ST7: variants seen among roughly 807,000 people sequenced by gnomAD.
ST7 encodes the protein suppressor of tumorigenicity 7 protein.
ST7 carries 28 observed loss-of-function variants against 78.7 expected under a neutral mutation model. That is an observed-to-expected ratio of 0.36 (90% CI 0.26 to 0.49). The LOEUF is 0.49. Ranked by LOEUF, ST7 falls within the 20% of genes least tolerant of loss-of-function variation. The probability of loss-of-function intolerance (pLI) is 0.99; values close to 1 mark genes in which losing one functional copy is unlikely to be tolerated. For missense variants in ST7, 418 were observed against 696.0 expected (o/e 0.60, Z 4.49); for synonymous variants, 247 against 249.6 (o/e 0.99, Z 0.10).
At chr7:116,956,889 G>A (rs1212405287) in intron 1 of ST7, 6 of 341,056 alleles carry the variant, frequency 1.8e-5, no homozygotes, top group Non-Finnish European at 3.4e-5. Context: ...GCAAGGCTGT[G>A]AGAGCTTCTC....
At chr7:116,979,888 A>G (rs547143917) in intron 1 of ST7, among the ~76,000 whole-genome samples, 16 of 150,448 alleles carry the variant, frequency 1.1e-4, no homozygotes, top group African/African-American at 3.7e-4. Context: ...CATTCAAAGT[A>G]TGCTTTACTA....
rs370879756 is a variant in ST7 at position 117,190,860 on chromosome 7, G to A, written c.1178G>A (p.Arg393Gln). ...TTCTCTCCTGAGGCTGCATCTCGGCGGGGGCTGAGCACAGCAGAGATGAAT... is the reference window on the plus strand; with the variant it reads ...TTCTCTCCTGAGGCTGCATCTCGGCAGGGGCTGAGCACAGCAGAGATGAAT... ...DKFSPEAASRRGLSTAEMNAV... is the reference protein window; with the variant it reads ...DKFSPEAASRQGLSTAEMNAV... The change falls in exon 12 of 16, where the codon CGG (arginine) becomes CAG (glutamine). Residue 393 changes from arginine to glutamine, a missense_variant. Physicochemically the swap from Arg to Gln is conservative, Grantham distance 43. Coordinates refer to ENST00000323984, the MANE Select transcript of ST7 (RefSeq NM_001369598.1). The surrounding 1 kb of genome is among the most constrained non-coding windows in gnomAD (Gnocchi z 5.2). 4 of 1,613,976 alleles carry A rather than the reference G, an allele frequency of 2.5e-6. No homozygotes were observed. Among genetic ancestry groups the A allele is most frequent in the East Asian group, 2.2e-5 (1 of 44,880 alleles).
At chr7:117,022,322 T>C (rs1230397595) in intron 1 of ST7, among the ~76,000 whole-genome samples, 1 of 152,220 alleles carries the variant, frequency 6.6e-6, no homozygotes, top group African/African-American at 2.4e-5. Flanking sequence ...TGCTTATAGG[T>C]AGATTCGTAC....
chr7:116,978,491 A>C (rs567873999), intron 1 of ST7, among the ~76,000 whole-genome samples: 2 of 152,216 alleles, frequency 1.3e-5, no homozygotes, highest in South Asian at 4.1e-4. Flanking sequence ...TTCAATATAC[A>C]TTATGGAGAT....
chr7:117,076,050 C>G, intron 1 of ST7, among the ~76,000 whole-genome samples: 1 of 152,150 alleles, frequency 6.6e-6, no homozygotes, highest in East Asian at 1.9e-4. Flanking sequence ...TGTTACATTG[C>G]TTACCTGCTA....
chr7:117,029,946 T>G (rs1310751151), intron 1 of ST7, among the ~76,000 whole-genome samples: 1 of 152,178 alleles, frequency 6.6e-6, no homozygotes, highest in Non-Finnish European at 1.5e-5. Context: ...TATAGCTTTA[T>G]GATCAGGTAG....
At position 117,056,213 on chromosome 7, in the gene ST7, G is replaced by A. The variant is rs1044987205; in HGVS notation, c.152-43549G>A. On this transcript the variant is annotated intron_variant, in intron 1 of 15. Coordinates refer to ENST00000323984, the MANE Select transcript of ST7 (RefSeq NM_001369598.1). The stretch of plus-strand genomic sequence containing the variant: ...ACTTTGCATCCTTCAATCCAACCAA[G>A]TTGACACTCAGCATTAACAATCACA... Among the ~76,000 whole-genome samples, 7 of 152,304 alleles carry A rather than the reference G, an allele frequency of 4.6e-5. 1 individual carries two copies. Among genetic ancestry groups the A allele is most frequent in the Admixed American group, 3.9e-4 (6 of 15,302 alleles).
intron 1 of ST7, among the ~76,000 whole-genome samples, chr7:117,050,597 G>A (rs540502598): frequency 6.2e-4 from 94 of 152,118 alleles, no homozygotes; most frequent in Non-Finnish European, 1.1e-3. Context: ...ATAGACTACC[G>A]TCTCTATATA....
At chr7:116,972,676 T>G in intron 1 of ST7, 4 of 1,053,156 alleles carry the variant, frequency 3.8e-6, no homozygotes, top group Non-Finnish European at 5.9e-6. Flanking sequence ...TTTTTCCGCT[T>G]CTTCCAGCTT....
chr7:117,227,947 A>G (rs972760178), intron 15 of ST7, among the ~76,000 whole-genome samples: 3 of 152,194 alleles, frequency 2.0e-5, no homozygotes, highest in African/African-American at 7.2e-5. Flanking sequence ...TGCAGATCCA[A>G]CCTGACACGC....
chr7:116,984,424 C>T (rs1388961667), intron 1 of ST7, among the ~76,000 whole-genome samples: 1 of 152,148 alleles, frequency 6.6e-6, no homozygotes, highest in African/African-American at 2.4e-5. Flanking sequence ...ATCTGTTATA[C>T]AATAGCGCAT....
At chr7:116,988,937 A>G (rs1794303072) in intron 1 of ST7, among the ~76,000 whole-genome samples, 1 of 152,206 alleles carries the variant, frequency 6.6e-6, no homozygotes, top group African/African-American at 2.4e-5. Flanking sequence ...GGCTCCCTAG[A>G]GGACACAAAA....
At chr7:116,985,947 C>T (rs1430589239) in intron 1 of ST7, among the ~76,000 whole-genome samples, 8 of 152,170 alleles carry the variant, frequency 5.3e-5, no homozygotes, top group Non-Finnish European at 1.2e-4. Flanking sequence ...ACTCTTATGT[C>T]GCAGCCTCGC....
intron 1 of ST7, among the ~76,000 whole-genome samples, chr7:117,055,836 A>T (rs1798035638): frequency 6.6e-6 from 1 of 152,214 alleles, no homozygotes; most frequent in Admixed American, 6.5e-5. Context: ...AACTAATAGG[A>T]TAGATATACA....
At chr7:116,970,748 C>G (rs1167852643) in intron 1 of ST7, among the ~76,000 whole-genome samples, 1 of 152,096 alleles carries the variant, frequency 6.6e-6, no homozygotes. Context: ...GGTTGTGAGT[C>G]AGAGTTCTAT....
At chr7:117,104,239 G>A (rs994812485) in intron 2 of ST7, among the ~76,000 whole-genome samples, 6 of 152,144 alleles carry the variant, frequency 3.9e-5, no homozygotes, top group Admixed American at 6.5e-5. Context: ...CCAGGAGTTC[G>A]AGACCAGCCT....
intron 9 of ST7, among the ~76,000 whole-genome samples, chr7:117,139,483 A>G (rs1010986738): frequency 2.2e-4 from 34 of 152,288 alleles, no homozygotes; most frequent in African/African-American, 6.7e-4. Flanking sequence ...CTCTGGAAAG[A>G]CAGTTATTCT....
chr7:117,050,548 T>C (rs1375865893), intron 1 of ST7, among the ~76,000 whole-genome samples: 1 of 152,266 alleles, frequency 6.6e-6, no homozygotes, highest in Non-Finnish European at 1.5e-5. Context: ...TAACTTTTTA[T>C]AATTTGTGTA....
At chr7:117,192,395 A>G (rs2117408179) in intron 12 of ST7, among the ~76,000 whole-genome samples, 1 of 152,306 alleles carries the variant, frequency 6.6e-6, no homozygotes, top group South Asian at 2.1e-4. Flanking sequence ...GCCATTGGAC[A>G]TTGGGCTTAG....
Sources: gnomAD v4.1 joint callset for allele counts (sites outside exome capture counted in the v4.1 genomes callset) on GRCh38, gnomAD v4.1.1 for gene constraint, Gnocchi (gnomAD v3.1) non-coding constraint, MANE v1.5 for transcripts, NCBI Gene and HGNC (gene_info 2026-07-23, HGNC 2026-07-21) for gene names.